Variants in ACVR1 observed in about 807,000 individuals in gnomAD.
ACVR1 encodes the protein activin A receptor type 1.
A neutral mutation model predicts 57.1 loss-of-function variants in ACVR1; 38 were observed. That is an observed-to-expected ratio of 0.67 (90% confidence interval 0.51 to 0.87). The LOEUF is 0.87. ACVR1 is among the 40% of genes least tolerant of loss of function. The probability of loss-of-function intolerance (pLI) is 0.00; values close to 1 mark genes in which losing one functional copy is unlikely to be tolerated. For synonymous variants in ACVR1, 212 were observed against 228.1 expected, an observed-to-expected ratio of 0.93 and a Z score of 0.63; for missense variants, 463 against 638.2, an observed-to-expected ratio of 0.73 and a Z score of 2.96.
intron 2 of ACVR1, among the ~76,000 whole-genome samples, chr2:157,803,317 C>A (rs1480104742): frequency 6.6e-6 from 1 of 152,096 alleles, no homozygotes; most frequent in East Asian, 1.9e-4. Context: ...CTAATTCCGT[C>A]TCTAGTGTTT....
chr2:157,790,361 G>A (rs1686866998), intron 3 of ACVR1: 1 of 152,162 alleles, frequency 6.6e-6, no homozygotes. Flanking sequence ...CCCAAGATGG[G>A]AGCAATGAAA....
chr2:157,865,659 G>A (rs1199553506), intron 1 of ACVR1, among the ~76,000 whole-genome samples: 1 of 151,994 alleles, frequency 6.6e-6, no homozygotes, highest in Non-Finnish European at 1.5e-5. Context: ...GGGCGTGGTG[G>A]CGCATGCTTG....
At chr2:157,745,600 G>C (rs896669943) in intron 9 of ACVR1, among the ~76,000 whole-genome samples, 3 of 152,062 alleles carry the variant, frequency 2.0e-5, no homozygotes, top group Non-Finnish European at 4.4e-5. Context: ...GGAAGTCAGG[G>C]GGAAAATAAT....
intron 1 of ACVR1, among the ~76,000 whole-genome samples, chr2:157,819,718 G>A (rs1265171457): frequency 6.6e-6 from 1 of 150,946 alleles, no homozygotes; most frequent in African/African-American, 2.5e-5. Context: ...GGTGGGGAAG[G>A]AGTACAAAGC....
At position 157,737,420 on chromosome 2, in the gene ACVR1, T is replaced by C. The variant is rs1302011891; in HGVS notation, c.*111A>G. Reference sequence around the variant, plus strand: ...ACGTCTGCCTTGTCAAAGCAGCCATTTGGGGAGGGAGACAGATGGATTCCA... The same window carrying C: ...ACGTCTGCCTTGTCAAAGCAGCCATCTGGGGAGGGAGACAGATGGATTCCA... On this transcript the variant is annotated 3_prime_UTR_variant, in exon 11 of 11. Transcript: ENST00000434821. 7 of 1,414,792 alleles carry C rather than the reference T, an allele frequency of 4.9e-6. No homozygotes were observed. Among genetic ancestry groups the C allele is most frequent in the African/African-American group, 4.3e-5 (3 of 70,310 alleles). 87.6% of individuals were successfully genotyped at this position (1,414,792 alleles called of 1,614,324 possible).
At chr2:157,807,916 T>TTCTCTC (rs149277565) in intron 2 of ACVR1, among the ~76,000 whole-genome samples, 2 of 143,362 alleles carry the variant, frequency 1.4e-5, no homozygotes, top group African/African-American at 5.1e-5. Context: ...ATTTCTCTCT[T>TTCTCTC]TCTCTCTCTC....
At chr2:157,768,401 C>T (rs1354556328) in intron 7 of ACVR1, among the ~76,000 whole-genome samples, 1 of 152,170 alleles carries the variant, frequency 6.6e-6, no homozygotes, top group Non-Finnish European at 1.5e-5. Context: ...TCTAACAGCA[C>T]CACTCAAAAG....
At chr2:157,757,153 TTC>T (rs1685470718) in intron 9 of ACVR1, among the ~76,000 whole-genome samples, 1 of 150,686 alleles carries the variant, frequency 6.6e-6, no homozygotes, top group South Asian at 2.1e-4. Context: ...GAAGAAAGAC[TTC>T]TGAACTTGAA....
chr2:157,804,920 T>C (rs1284654839), intron 2 of ACVR1, among the ~76,000 whole-genome samples: 2 of 152,232 alleles, frequency 1.3e-5, no homozygotes, highest in African/African-American at 2.4e-5. Flanking sequence ...CAATTTCTAA[T>C]GTATGTGGGC....
At chr2:157,860,640 C>A (rs1689687351) in intron 1 of ACVR1, among the ~76,000 whole-genome samples, 1 of 152,152 alleles carries the variant, frequency 6.6e-6, no homozygotes, top group South Asian at 2.1e-4. Context: ...GCACCTTATA[C>A]ACTATTAAGG....
chr2:157,771,344 C>A (rs1574044471), intron 6 of ACVR1, among the ~76,000 whole-genome samples: 1 of 152,214 alleles, frequency 6.6e-6, no homozygotes, highest in East Asian at 1.9e-4. Context: ...CTGTTTGGTG[C>A]ATGGCCCCCT....
At chr2:157,817,723 G>A (rs1319099523) in intron 2 of ACVR1, among the ~76,000 whole-genome samples, 14 of 152,056 alleles carry the variant, frequency 9.2e-5, no homozygotes, top group African/African-American at 2.7e-4. Flanking sequence ...AATTAGGGCC[G>A]GGCACAGTGG....
At chr2:157,869,029 C>T (rs999864661) in intron 1 of ACVR1, among the ~76,000 whole-genome samples, 1 of 152,218 alleles carries the variant, frequency 6.6e-6, no homozygotes, top group Admixed American at 6.5e-5. Flanking sequence ...ATCTTCCCCA[C>T]CTCCCTCTCA....
At chr2:157,830,946 C>G (rs1418526220) in intron 1 of ACVR1, among the ~76,000 whole-genome samples, 1 of 152,056 alleles carries the variant, frequency 6.6e-6, no homozygotes, top group Non-Finnish European at 1.5e-5. Context: ...CATTTTTTGT[C>G]TTAGAAACAG....
chr2:157,787,622 T>C (rs1036800053), intron 3 of ACVR1, among the ~76,000 whole-genome samples: 17 of 152,192 alleles, frequency 1.1e-4, no homozygotes, highest in Admixed American at 9.2e-4. Context: ...GTTCCATCGA[T>C]TGAATGTCTC....
chr2:157,865,381 C>T (rs1239520751), intron 1 of ACVR1, among the ~76,000 whole-genome samples: 2 of 152,200 alleles, frequency 1.3e-5, no homozygotes, highest in Non-Finnish European at 2.9e-5. Context: ...AGCAAAAATC[C>T]AATTCACGGC....
intron 2 of ACVR1, among the ~76,000 whole-genome samples, chr2:157,815,293 A>G (rs1687892804): frequency 6.6e-6 from 1 of 152,210 alleles, no homozygotes; most frequent in Admixed American, 6.5e-5. Context: ...ATGGTAATAC[A>G]GTGGCTGTTT....
chr2:157,764,370 T>C lies in ACVR1; in HGVS notation c.1066+1551A>G, dbSNP rs368612709. 1.4e-4 allele frequency among the ~76,000 whole-genome samples: 21 copies of C among 150,570 alleles called. No homozygotes were observed. The East Asian group carries it at 2.1e-3, about 15-fold the overall frequency. ...GCTATTATTATTATTTTTCTTTTTT[T>C]TTTTTTTTTGTATTTTTAGTAGAGA... On this transcript the variant is annotated intron_variant, in intron 8 of 10. Transcript: ENST00000434821.
In ACVR1 at chr2:157,774,976, T is replaced by C. The variant is rs79024209; in HGVS notation, c.544-789A>G. Among the ~76,000 whole-genome samples the C allele has an allele frequency of 9.3e-4, 142 of 152,344 alleles. 1 individual carries two copies. Among genetic ancestry groups the C allele is most frequent in the African/African-American group, 3.3e-3 (138 of 41,574 alleles). Reference sequence around the variant, plus strand: ...TAAGTATCTGTCAAATGATTCACTTTAGTTGCCATACCAACTAAGGAACTC... The same window carrying C: ...TAAGTATCTGTCAAATGATTCACTTCAGTTGCCATACCAACTAAGGAACTC... On this transcript the variant is annotated intron_variant, in intron 5 of 10. Coordinates refer to ENST00000434821, the MANE Select transcript of ACVR1 (RefSeq NM_001111067.4).
Sources: allele counts gnomAD v4.1 joint callset (sites outside exome capture counted in the v4.1 genomes callset), GRCh38; gene constraint gnomAD v4.1.1; transcripts MANE v1.5; gene names NCBI Gene and HGNC (gene_info 2026-07-23, HGNC 2026-07-21).